The following CCM2 variants were observed in gnomAD, a reference collection of about 807,000 sequenced individuals.
CCM2 encodes the protein cerebral cavernous malformations 2 protein.
CCM2 carries 25 observed loss-of-function variants against 44.9 expected under a neutral mutation model. The observed-to-expected ratio is 0.56, with a 90% CI of 0.41 to 0.78. The LOEUF is 0.78. CCM2 is among the 30% of genes least tolerant of loss of function. The probability of loss-of-function intolerance (pLI) is 0.00; values close to 1 mark genes in which losing one functional copy is unlikely to be tolerated. For synonymous variants in CCM2, 219 were observed against 241.1 expected (o/e 0.91, Z 0.85); for missense variants, 481 against 580.6 (o/e 0.83, Z 1.76).
intron 4 of CCM2, chr7:45,067,938 G>A (rs1309161409): frequency 4.8e-6 from 1 of 210,172 alleles, no homozygotes; most frequent in Non-Finnish European, 9.8e-6. Flanking sequence ...GAAAACCACT[G>A]AGTTACTCCA....
chr7:45,028,666 G>T (rs900239332), intron 1 of CCM2, among the ~76,000 whole-genome samples: 1 of 151,584 alleles, frequency 6.6e-6, no homozygotes, highest in Admixed American at 6.6e-5. Context: ...CAAAAAAAAA[G>T]AAAAGAAAGA....
At chr7:45,015,748 G>T (rs1227450866) in intron 1 of CCM2, among the ~76,000 whole-genome samples, 3 of 152,166 alleles carry the variant, frequency 2.0e-5, no homozygotes, top group African/African-American at 4.8e-5. Flanking sequence ...TGAAGGGGAA[G>T]GGATAGTGAG....
intron 2 of CCM2, among the ~76,000 whole-genome samples, chr7:45,049,538 T>C (rs1052564197): frequency 4.6e-5 from 7 of 152,260 alleles, no homozygotes; most frequent in African/African-American, 1.7e-4. Context: ...TAAAACTGCC[T>C]CGTCCATTTT....
intron 1 of CCM2, among the ~76,000 whole-genome samples, chr7:45,030,479 T>C (rs879510993): frequency 2.0e-5 from 3 of 152,212 alleles, no homozygotes; most frequent in Non-Finnish European, 4.4e-5. Flanking sequence ...CTCTGTTTCC[T>C]AGGCTGGGTG....
intron 2 of CCM2, among the ~76,000 whole-genome samples, chr7:45,038,973 A>G (rs550962470): frequency 1.3e-5 from 2 of 152,378 alleles, no homozygotes; most frequent in East Asian, 3.9e-4. Context: ...CAGAGAGAAT[A>G]GGAAAGGAGA....
At chr7:45,059,427 A>AT (rs1562902380) in intron 2 of CCM2, among the ~76,000 whole-genome samples, 2 of 147,996 alleles carry the variant, frequency 1.4e-5, no homozygotes, top group Non-Finnish European at 3.0e-5. Flanking sequence ...TTAAAAAAAA[A>AT]AAAAAGAAAG....
intron 2 of CCM2, among the ~76,000 whole-genome samples, chr7:45,051,667 TCTC>T (rs1205296173): frequency 2.0e-5 from 3 of 152,166 alleles, no homozygotes; most frequent in Non-Finnish European, 4.4e-5. Flanking sequence ...TTCATGCCAT[TCTC>T]CTGCCTCAGC....
At chr7:45,050,545 A>T (rs66470952) in intron 2 of CCM2, among the ~76,000 whole-genome samples, 20,147 of 152,170 alleles carry the variant, frequency 0.13, 1,639 homozygotes, top group Admixed American at 0.2. Context: ...TGTTTATTCA[A>T]ACTTTTTGGT....
chr7:45,039,970 T>C (rs975293166), intron 2 of CCM2, among the ~76,000 whole-genome samples: 118 of 151,688 alleles, frequency 7.8e-4, no homozygotes, highest in African/African-American at 2.8e-3. Context: ...GAGGTTGCAG[T>C]GAGCCAAGAT....
At chr7:45,012,037 T>C (rs528258252) in intron 1 of CCM2, among the ~76,000 whole-genome samples, 3 of 152,178 alleles carry the variant, frequency 2.0e-5, no homozygotes, top group South Asian at 4.2e-4. Context: ...TCTCTAGTTA[T>C]TATTTTGGAT....
chr7:45,066,163 T>C (rs1483862328), intron 4 of CCM2, among the ~76,000 whole-genome samples: 1 of 152,222 alleles, frequency 6.6e-6, no homozygotes, highest in Non-Finnish European at 1.5e-5. Context: ...ACAGGACTTC[T>C]GGTCTTTGAG....
chr7:45,070,014 T>C, intron 6 of CCM2, 53 bp downstream of exon 6: 2 of 1,603,580 alleles, frequency 1.2e-6, no homozygotes, highest in Non-Finnish European at 1.7e-6. Context: ...GAGGGGCTAC[T>C]GCAGTGGCCC....
chr7:45,038,010 G>A (rs1797306534), intron 1 of CCM2, among the ~76,000 whole-genome samples: 1 of 152,136 alleles, frequency 6.6e-6, no homozygotes, highest in Non-Finnish European at 1.5e-5. Flanking sequence ...AACAGGTGAA[G>A]AACAAGGTGC....
chr7:45,067,988 G>A (rs1798864813), intron 4 of CCM2: 2 of 249,458 alleles, frequency 8.0e-6, no homozygotes, highest in South Asian at 9.7e-5. Context: ...GGAGGCAATG[G>A]GTAGGATGTT....
In CCM2 at chr7:45,073,569, A is replaced by G; in HGVS notation, c.913A>G (p.Thr305Ala). ...ATELLQDYML[T>A]LRTKLSSQEI... ...TGAGCTGCTGCAGGACTACATGCTG[A>G]CGGTAGGCCTCCGCTGCAGGGACGC... The change falls in exon 8 of 10, where the codon ACG becomes GCG. Residue 305 changes from threonine to alanine, a missense_variant and splice_region_variant. Physicochemically the swap from Thr to Ala is moderately conservative, Grantham distance 58. Coordinates refer to ENST00000258781, the MANE Select transcript of CCM2 (RefSeq NM_031443.4). 1 of 1,604,692 alleles carries G rather than the reference A, an allele frequency of 6.2e-7. No individual in the cohort carries two copies. Among genetic ancestry groups the G allele is most frequent in the Non-Finnish European group, 8.5e-7 (1 of 1,174,202 alleles).
rs200669376 is a variant in CCM2, at chr7:45,075,842, G to C, written c.1120G>C (p.Val374Leu). 1 of 1,613,764 alleles carries C rather than the reference G, an allele frequency of 6.2e-7. No individual in the cohort carries two copies. The highest frequency in any genetic ancestry group is 1.7e-5 in the Admixed American group (1 of 60,026). ...HFENFLETIG[V>L]KDGRGIITDS... The stretch of plus-strand genomic sequence containing the variant: ...CGAGAACTTCCTGGAGACCATTGGC[G>C]TGAAGGATGGCCGCGGCATCATCAC... The change falls in exon 10 of 10, where the codon GTG (valine) becomes CTG (leucine). Residue 374 changes from valine to leucine, a missense_variant. Coordinates refer to ENST00000258781, the MANE Select transcript of CCM2 (RefSeq NM_031443.4).
At chr7:45,031,779 C>T (rs901413123) in intron 1 of CCM2, among the ~76,000 whole-genome samples, 4 of 151,994 alleles carry the variant, frequency 2.6e-5, no homozygotes, top group Non-Finnish European at 5.9e-5. Context: ...CACCCTGTTG[C>T]CCAGGCTGGT....
intron 8 of CCM2, chr7:45,073,796 G>A: frequency 1.7e-6 from 1 of 585,610 alleles, no homozygotes. Flanking sequence ...GGCCGTCAGG[G>A]CTGGACTGTG....
intron 1 of CCM2, among the ~76,000 whole-genome samples, chr7:45,006,822 C>T (rs1053582719): frequency 2.6e-5 from 4 of 152,138 alleles, no homozygotes; most frequent in Non-Finnish European, 4.4e-5. Flanking sequence ...GAGAAACCAC[C>T]CTGCTAAATT....
Sources: gnomAD v4.1 joint callset for allele counts (sites outside exome capture counted in the v4.1 genomes callset) on GRCh38, gnomAD v4.1.1 for gene constraint, MANE v1.5 for transcripts, NCBI Gene and HGNC (gene_info 2026-07-23, HGNC 2026-07-21) for gene names.